The following PTCHD4 variants were observed in gnomAD, a reference collection of about 807,000 sequenced individuals.
PTCHD4 encodes the protein patched domain containing 4, also known as patched domain-containing protein 4.
In PTCHD4, 33 loss-of-function variants were observed where a neutral mutation model predicts 58.1. The ratio of observed to expected loss-of-function variants is 0.57; its 90% CI spans 0.43 to 0.76. The LOEUF (loss-of-function observed/expected upper bound fraction) is 0.76, where lower values mean the gene tolerates loss of function less well. Ranked by LOEUF, PTCHD4 falls within the 30% of genes least tolerant of loss-of-function variation. PTCHD4 has a pLI of 0.00. For synonymous variants in PTCHD4, 478 were observed against 409.6 expected (o/e 1.17, Z -2.02); for missense variants, 1,058 against 1,027.1 (o/e 1.03, Z -0.41).
chr6:47,928,774 C>T (rs545917210), intron 4 of PTCHD4, among the ~76,000 whole-genome samples: 1 of 151,508 alleles, frequency 6.6e-6, no homozygotes, highest in South Asian at 2.1e-4. Context: ...AGAAACATGT[C>T]TTGATCATCT....
intron 1 of PTCHD4, among the ~76,000 whole-genome samples, chr6:48,079,593 G>A (rs1020878228): frequency 6.6e-6 from 1 of 151,350 alleles, no homozygotes; most frequent in African/African-American, 2.4e-5. Flanking sequence ...ACTTTGTAGG[G>A]AGGGTTTGGC....
intron 3 of PTCHD4, among the ~76,000 whole-genome samples, chr6:48,047,192 G>T (rs1764066102): frequency 6.6e-6 from 1 of 151,576 alleles, no homozygotes; most frequent in Non-Finnish European, 1.5e-5. Context: ...TGACTGTAGT[G>T]TTTTTTTCAA....
intron 4 of PTCHD4, among the ~76,000 whole-genome samples, chr6:47,969,493 C>T (rs530216031): frequency 3.4e-4 from 51 of 152,038 alleles, no homozygotes; most frequent in Non-Finnish European, 6.3e-4. Context: ...ATACTTCCTA[C>T]CTATCATATA....
chr6:48,107,296 G>C (rs1316117508), intron 1 of PTCHD4, among the ~76,000 whole-genome samples: 3 of 151,884 alleles, frequency 2.0e-5, no homozygotes, highest in African/African-American at 4.8e-5. Flanking sequence ...AAATAATGCT[G>C]CATATCTACA....
intron 1 of PTCHD4, among the ~76,000 whole-genome samples, chr6:48,108,076 T>C (rs1765777364): frequency 6.6e-6 from 1 of 152,208 alleles, no homozygotes; most frequent in African/African-American, 2.4e-5. Context: ...AGAAATACGA[T>C]TTGACCCAGC....
At chr6:47,914,239 A>G (rs1482710520) in intron 4 of PTCHD4, among the ~76,000 whole-genome samples, 1 of 152,110 alleles carries the variant, frequency 6.6e-6, no homozygotes, top group Non-Finnish European at 1.5e-5. Context: ...CATTGTGACA[A>G]TTAACTTCAT....
chr6:48,019,323 C>T (rs1762974275), intron 3 of PTCHD4, among the ~76,000 whole-genome samples: 1 of 151,994 alleles, frequency 6.6e-6, no homozygotes, highest in South Asian at 2.1e-4. Flanking sequence ...CAGTGCCTAT[C>T]TTCAAAGGGC....
At chr6:47,947,046 G>A (rs1028248191) in intron 4 of PTCHD4, among the ~76,000 whole-genome samples, 15 of 152,010 alleles carry the variant, frequency 9.9e-5, no homozygotes, top group African/African-American at 3.6e-4. Context: ...TGTTGTCTAG[G>A]CTGGTCTGAG....
intron 4 of PTCHD4, among the ~76,000 whole-genome samples, chr6:47,952,792 T>A (rs1293094113): frequency 3.9e-5 from 6 of 152,094 alleles, no homozygotes; most frequent in Non-Finnish European, 7.4e-5. Flanking sequence ...GTAAGTGCAC[T>A]GTACGGTGTT....
intron 3 of PTCHD4, among the ~76,000 whole-genome samples, chr6:48,026,655 T>C (rs1302172445): frequency 2.0e-5 from 3 of 152,062 alleles, no homozygotes; most frequent in Non-Finnish European, 4.4e-5. Context: ...CTGGAAGCTC[T>C]CAAGGGATTC....
intron 4 of PTCHD4, among the ~76,000 whole-genome samples, chr6:47,994,737 G>A (rs1010386416): frequency 2.0e-5 from 3 of 152,172 alleles, no homozygotes; most frequent in African/African-American, 7.2e-5. Context: ...TCCTTGGAGG[G>A]ACTTCTCTGC....
chr6:47,934,041 T>A (rs971774921), intron 4 of PTCHD4, among the ~76,000 whole-genome samples: 1 of 152,216 alleles, frequency 6.6e-6, no homozygotes, highest in Non-Finnish European at 1.5e-5. Flanking sequence ...ATATATATAA[T>A]GTACATGTAT....
At chr6:48,105,144 T>C (rs1765691799) in intron 1 of PTCHD4, among the ~76,000 whole-genome samples, 1 of 152,168 alleles carries the variant, frequency 6.6e-6, no homozygotes, top group Admixed American at 6.5e-5. Context: ...ATCAACAGAA[T>C]ATACATTCTT....
intron 4 of PTCHD4, among the ~76,000 whole-genome samples, chr6:47,998,409 T>TAA (rs1328426467): frequency 6.6e-6 from 1 of 152,144 alleles, no homozygotes; most frequent in African/African-American, 2.4e-5. Flanking sequence ...TCTTTCCATT[T>TAA]AAAAAATCTA....
At chr6:47,880,059 C>T in intron 4 of PTCHD4, 123 bp from the exon 5 acceptor site, 1 of 802,026 alleles carries the variant, frequency 1.2e-6, no homozygotes, top group Non-Finnish European at 1.9e-6. Context: ...GGCTGTGATC[C>T]TCCTATCAGG....
chr6:47,983,890 A>T (rs1054314358), intron 4 of PTCHD4, among the ~76,000 whole-genome samples: 1 of 152,208 alleles, frequency 6.6e-6, no homozygotes, highest in Admixed American at 6.5e-5. Flanking sequence ...AATGGTATTT[A>T]ACCCAATCTT....
chr6:48,107,929 A>T (rs188157994), intron 1 of PTCHD4, among the ~76,000 whole-genome samples: 6 of 152,332 alleles, frequency 3.9e-5, no homozygotes, highest in African/African-American at 1.4e-4. Flanking sequence ...TAGAATGGAG[A>T]TCATTAAAAA....
At chr6:47,903,457 T>C (rs903993510) in intron 4 of PTCHD4, among the ~76,000 whole-genome samples, 2 of 152,044 alleles carry the variant, frequency 1.3e-5, no homozygotes, top group African/African-American at 2.4e-5. Flanking sequence ...GCTGGGACTC[T>C]AGGCATGCAC....
chr6:48,021,653 A>C (rs892249584), intron 3 of PTCHD4, among the ~76,000 whole-genome samples: 9 of 152,120 alleles, frequency 5.9e-5, no homozygotes, highest in African/African-American at 2.2e-4. Context: ...GTAATTGCTG[A>C]AGTCTGGAAT....
Sources: allele counts gnomAD v4.1 joint callset (sites outside exome capture counted in the v4.1 genomes callset), GRCh38; gene constraint gnomAD v4.1.1; transcripts MANE v1.5; gene names NCBI Gene and HGNC (gene_info 2026-07-23, HGNC 2026-07-21).